The following CDIN1 variants were observed in gnomAD, a reference collection of about 807,000 sequenced individuals.
The protein encoded by CDIN1 is CDAN1 interacting nuclease 1, also known as CDAN1-interacting nuclease 1.
A neutral mutation model predicts 45.3 loss-of-function variants in CDIN1; 33 were observed. The ratio of observed to expected loss-of-function variants is 0.73; its 90% CI spans 0.55 to 0.97. The LOEUF is 0.97. CDIN1 is among the 50% of genes least tolerant of loss of function. The pLI, the probability that CDIN1 is intolerant of heterozygous loss-of-function variation, is 0.00. For missense variants in CDIN1, 303 were observed against 339.4 expected, an observed-to-expected ratio of 0.89 and a Z score of 0.84; for synonymous variants, 118 against 124.4, an observed-to-expected ratio of 0.95 and a Z score of 0.34.
intron 5 of CDIN1, among the ~76,000 whole-genome samples, chr15:36,686,923 G>A (rs2042078239): frequency 7.2e-6 from 1 of 138,624 alleles, no homozygotes; most frequent in Admixed American, 7.5e-5. Context: ...GGGAAGGAAG[G>A]AAGAAAAGGA....
intron 1 of CDIN1, among the ~76,000 whole-genome samples, chr15:36,631,939 C>T (rs1435965792): frequency 6.6e-6 from 1 of 152,072 alleles, no homozygotes; most frequent in Non-Finnish European, 1.5e-5. Context: ...CAAGTGATCT[C>T]CCCACCTCAG....
Position 36,672,778 on chromosome 15 carries a change from G to A in CDIN1, c.346+14873G>A, listed in dbSNP as rs530223796. On this transcript the variant is annotated intron_variant, in intron 5 of 10. Transcript: ENST00000566621. ...CTTAATGGTAGGGTTGATCAGCGCC[G>A]AATCTTGTTACTTCTTTAAAAAAAA... Among the ~76,000 whole-genome samples the A allele has an allele frequency of 1.8e-4, 27 of 148,810 alleles. 1 individual carries two copies. The highest frequency in any genetic ancestry group is 3.5e-3 in the Middle Eastern group (1 of 288).
chr15:36,668,949 A>T (rs1296746642), intron 5 of CDIN1: 1 of 152,158 alleles, frequency 6.6e-6, no homozygotes, highest in African/African-American at 2.4e-5. Context: ...TTATAGTAAT[A>T]GGCAGTAATA....
intron 1 of CDIN1, among the ~76,000 whole-genome samples, chr15:36,638,427 T>C (rs1478444818): frequency 6.6e-6 from 1 of 152,210 alleles, no homozygotes; most frequent in African/African-American, 2.4e-5. Context: ...GAGAAGATGA[T>C]TGGATTATTT....
chr15:36,624,523 GT>G (rs2039333327), intron 1 of CDIN1, among the ~76,000 whole-genome samples: 1 of 152,120 alleles, frequency 6.6e-6, no homozygotes, highest in African/African-American at 2.4e-5. Flanking sequence ...AAAATCTATA[GT>G]TTTTTCAAAC....
chr15:36,639,201 C>A (rs2040011399), intron 1 of CDIN1, among the ~76,000 whole-genome samples: 1 of 152,108 alleles, frequency 6.6e-6, no homozygotes, highest in Admixed American at 6.5e-5. Context: ...ATACAGCTCA[C>A]CCTCTGTATC....
chr15:36,601,128 A>G (rs2038079040), intron 1 of CDIN1, among the ~76,000 whole-genome samples: 1 of 152,018 alleles, frequency 6.6e-6, no homozygotes, highest in Non-Finnish European at 1.5e-5. Context: ...GTGCAGTGCT[A>G]ACATTCTGCA....
intron 10 of CDIN1, among the ~76,000 whole-genome samples, chr15:36,794,207 C>T (rs1027210650): frequency 3.9e-5 from 6 of 151,946 alleles, no homozygotes; most frequent in African/African-American, 7.2e-5. Context: ...TACAGGCGCC[C>T]GCCACCACGC....
chr15:36,619,027 G>A, intron 1 of CDIN1: 1 of 1,409,198 alleles, frequency 7.1e-7, no homozygotes, highest in Non-Finnish European at 9.7e-7. Context: ...TCGCTCCAAT[G>A]TAGTGTCTCC....
chr15:36,673,819 G>A (rs933178987), intron 5 of CDIN1, among the ~76,000 whole-genome samples: 2 of 152,056 alleles, frequency 1.3e-5, no homozygotes, highest in Non-Finnish European at 2.9e-5. Flanking sequence ...GTGCATTGAG[G>A]TGGCAAGGAC....
At chr15:36,629,609 C>CT (rs2039596630) in intron 1 of CDIN1, among the ~76,000 whole-genome samples, 1 of 152,156 alleles carries the variant, frequency 6.6e-6, no homozygotes. Context: ...CCATTACTCT[C>CT]TAACGTCTCA....
At chr15:36,690,059 G>A (rs1182617432) in intron 5 of CDIN1, among the ~76,000 whole-genome samples, 1 of 152,110 alleles carries the variant, frequency 6.6e-6, no homozygotes, top group African/African-American at 2.4e-5. Context: ...ATGCTCTTTT[G>A]GAGATTCCAT....
chr15:36,787,078 G>A (rs1175928297), intron 10 of CDIN1, among the ~76,000 whole-genome samples: 1 of 152,078 alleles, frequency 6.6e-6, no homozygotes, highest in African/African-American at 2.4e-5. Flanking sequence ...ATCATTTCCA[G>A]ACGTGTGTCA....
intron 1 of CDIN1, among the ~76,000 whole-genome samples, chr15:36,610,777 A>G (rs1477738513): frequency 6.6e-6 from 1 of 152,194 alleles, no homozygotes; most frequent in African/African-American, 2.4e-5. Context: ...TTTCTAAATG[A>G]CAAATCATTC....
Position 36,674,382 on chromosome 15 carries a change from T to C in CDIN1, c.346+16477T>C, listed in dbSNP as rs1475002025. ...TATGAATTTTTTAAACAAAATGCCT[T>C]GACCACATATCAGGTCCTTCATAGA... On this transcript the variant is annotated intron_variant, in intron 5 of 10. Coordinates refer to ENST00000566621, the MANE Select transcript of CDIN1 (RefSeq NM_001321759.2). Among the ~76,000 whole-genome samples the C allele has an allele frequency of 3.3e-5, 5 of 152,256 alleles. No homozygotes were observed. In the East Asian group the frequency reaches 5.8e-4, roughly 18 times the overall value.
chr15:36,581,919 T>G (rs990665474), intron 1 of CDIN1, among the ~76,000 whole-genome samples: 1 of 152,260 alleles, frequency 6.6e-6, no homozygotes. Context: ...CTTTGTAAAA[T>G]GTTGCTTGTG....
At chr15:36,702,026 A>G in intron 8 of CDIN1, 1 of 701,934 alleles carries the variant, frequency 1.4e-6, no homozygotes, top group Non-Finnish European at 2.6e-6. Flanking sequence ...GGTGAAGGAC[A>G]GGCAGCAGGA....
At chr15:36,618,398 T>C (rs964018984) in intron 1 of CDIN1, 11 of 713,788 alleles carry the variant, frequency 1.5e-5, no homozygotes, top group African/African-American at 7.1e-5. Flanking sequence ...TGGAACAAAA[T>C]GGGGACTATG....
chr15:36,681,333 T>C (rs1470982920), intron 5 of CDIN1, among the ~76,000 whole-genome samples: 3 of 151,852 alleles, frequency 2.0e-5, no homozygotes, highest in Non-Finnish European at 4.4e-5. Context: ...TACAAGAAAA[T>C]TTAGTGAATT....
Sources: gnomAD v4.1 joint callset for allele counts (sites outside exome capture counted in the v4.1 genomes callset) on GRCh38, gnomAD v4.1.1 for gene constraint, MANE v1.5 for transcripts, NCBI Gene and HGNC (gene_info 2026-07-23, HGNC 2026-07-21) for gene names.